C1orf50: variants seen among roughly 807,000 people sequenced by gnomAD.
C1orf50 encodes chromosome 1 open reading frame 50.
In C1orf50, 22 loss-of-function variants were observed where a neutral mutation model predicts 23.3. The ratio of observed to expected loss-of-function variants is 0.94; its 90% confidence interval spans 0.67 to 1.35. The LOEUF (loss-of-function observed/expected upper bound fraction) is 1.35, where lower values mean the gene tolerates loss of function less well. C1orf50 is among the 40% of genes most tolerant of loss of function. The pLI is 0.00. For synonymous variants in C1orf50, 96 were observed against 102.4 expected (o/e 0.94, Z 0.38); for missense variants, 271 against 249.4 (o/e 1.09, Z -0.58).
intron 3 of C1orf50, 68 bp from the exon 4 acceptor site, chr1:42,774,669 G>T: frequency 6.6e-7 from 1 of 1,519,242 alleles, no homozygotes; most frequent in South Asian, 1.3e-5. Flanking sequence ...ATTTTAATTG[G>T]GATGATCACC....
chr1:42,771,811 C>G (rs1420804634), intron 2 of C1orf50, among the ~76,000 whole-genome samples: 1 of 152,026 alleles, frequency 6.6e-6, no homozygotes, highest in Non-Finnish European at 1.5e-5. Flanking sequence ...AACCCCATCT[C>G]TACTAAAAAT....
In C1orf50 at chr1:42,775,258, A is replaced by T. The variant is rs757217549; in HGVS notation, c.464A>T (p.Gln155Leu). The change falls in exon 5 of 5, where the codon CAG becomes CTG. Residue 155 changes from glutamine to leucine, a missense_variant. By Grantham distance (113) the Gln-to-Leu change is moderately radical. Coordinates refer to ENST00000372525, the MANE Select transcript of C1orf50 (RefSeq NM_024097.4). ...PHDFLGAYKL[Q>L]HDLSWTPYED... ...GACTTCCTTGGTGCCTACAAACTAC[A>T]GCATGACTTGTCCTGGACTCCGTAT... 2 of 1,609,390 alleles carry T rather than the reference A, an allele frequency of 1.2e-6. No homozygotes were observed. The highest frequency in any genetic ancestry group is 3.3e-5 in the Admixed American group (2 of 59,972).
intron 3 of C1orf50, 57 bp downstream of exon 3, chr1:42,773,706 C>G: frequency 8.3e-7 from 1 of 1,207,756 alleles, no homozygotes; most frequent in South Asian, 1.3e-5. Context: ...TCAGGATTGG[C>G]TGAACTTGTT....
rs937887033 is a variant in C1orf50, at chr1:42,776,623, A to G, written c.*1229A>G. ...CTTGTGAGCTGTAAGAGGTCTACCTAAGGCCTAGCACAGGATGGGGCTAGA... is the reference window on the plus strand; with the variant it reads ...CTTGTGAGCTGTAAGAGGTCTACCTGAGGCCTAGCACAGGATGGGGCTAGA... On this transcript the variant is annotated 3_prime_UTR_variant, in exon 5 of 5. Coordinates refer to ENST00000372525, the MANE Select transcript of C1orf50 (RefSeq NM_024097.4). 1 of 152,262 alleles carries G rather than the reference A, an allele frequency of 6.6e-6. No individual in the cohort carries two copies. Among genetic ancestry groups the G allele is most frequent in the Non-Finnish European group, 1.5e-5 (1 of 68,100 alleles). 9.4% of individuals were successfully genotyped at this position (152,262 alleles called of 1,614,324 possible).
chr1:42,768,679 A>G (rs189806369), intron 2 of C1orf50, among the ~76,000 whole-genome samples: 19 of 152,308 alleles, frequency 1.2e-4, no homozygotes, highest in Admixed American at 1.2e-3. Flanking sequence ...TATTAAGAGA[A>G]TATGCATCTA....
intron 3 of C1orf50, 142 bp downstream of exon 3, chr1:42,773,791 A>C (rs1179743922): frequency 5.3e-6 from 3 of 570,248 alleles, no homozygotes; most frequent in Non-Finnish European, 9.6e-6. Context: ...AGAAGGAATA[A>C]GCTTAAGAGG....
intron 3 of C1orf50, among the ~76,000 whole-genome samples, chr1:42,773,998 T>G (rs1028298977): frequency 1.3e-5 from 2 of 151,918 alleles, no homozygotes; most frequent in Non-Finnish European, 2.9e-5. Context: ...AACTTTTGTA[T>G]TTTTAGTAGA....
chr1:42,772,093 T>TG (rs1198446881), intron 2 of C1orf50, among the ~76,000 whole-genome samples: 2 of 152,204 alleles, frequency 1.3e-5, no homozygotes, highest in Non-Finnish European at 2.9e-5. Context: ...AGACTTGACT[T>TG]GCGATCTTGA....
chr1:42,776,931 A>G lies in C1orf50; in HGVS notation c.*1537A>G, dbSNP rs1653352733. On this transcript the variant is annotated 3_prime_UTR_variant, in exon 5 of 5. Coordinates refer to ENST00000372525, the MANE Select transcript of C1orf50 (RefSeq NM_024097.4). ...AACACCTATTTATTTCAGAGCTTAC[A>G]GGTTAGGAGTTCAGGCACCATTTCA... The G allele has an allele frequency of 6.6e-6, 1 of 152,230 alleles. No homozygotes were observed. Among genetic ancestry groups the G allele is most frequent in the Non-Finnish European group, 1.5e-5 (1 of 68,036 alleles). 9.4% of individuals were successfully genotyped at this position (152,230 alleles called of 1,614,324 possible). A position where few individuals can be genotyped will look rare whatever the true frequency, so the allele number is the denominator to read the frequency against.
rs985155592 is a variant in C1orf50, at chr1:42,775,706, T to C, written c.*312T>C. 5.7e-6 allele frequency: 1 copy of C among 175,736 alleles called. No individual in the cohort carries two copies. The highest frequency in any genetic ancestry group is 1.2e-5 in the Non-Finnish European group (1 of 84,362). 10.9% of individuals were successfully genotyped at this position (175,736 alleles called of 1,614,324 possible). ...TTAAGTTAAAGTGTTAGAGAAGACC[T>C]TCTTCCCATAAAAAGGTTGGTGGAT... On this transcript the variant is annotated 3_prime_UTR_variant, in exon 5 of 5. Coordinates refer to ENST00000372525, the MANE Select transcript of C1orf50 (RefSeq NM_024097.4).
chr1:42,773,511 A>C, intron 2 of C1orf50, 52 bp from the exon 3 acceptor site: 1 of 1,091,806 alleles, frequency 9.2e-7, no homozygotes. Context: ...TAAGAACATC[A>C]TAGAAGTCTT....
In C1orf50 at chr1:42,767,508, GGAGCCCTGGTGGAGCTCACCCC is replaced by G. The variant is rs1353000322; in HGVS notation, c.82_103del (p.Ala28ProfsTer8). 6.4e-7 allele frequency: 1 copy of G among 1,568,972 alleles called. No individual in the cohort carries two copies. The highest frequency in any genetic ancestry group is 8.6e-7 in the Non-Finnish European group (1 of 1,157,444). On this transcript the variant is annotated frameshift_variant and splice_region_variant, in exon 2 of 5. Coordinates refer to ENST00000372525, the MANE Select transcript of C1orf50 (RefSeq NM_024097.4). LOFTEE classifies it high-confidence loss of function. ...CTTGTGTTCCTGGGTGTGTGTCGCA[GGAGCCCTGGTGGAGCTCACCCC>G]GACCCCCGGCGGCCTGGCCCTGGTG...
intron 3 of C1orf50, among the ~76,000 whole-genome samples, chr1:42,774,224 A>G (rs952320175): frequency 6.6e-6 from 1 of 151,824 alleles, no homozygotes; most frequent in Non-Finnish European, 1.5e-5. Context: ...AATGCTCAAC[A>G]TTTTGAAATA....
chr1:42,769,345 A>G (rs1653166260), intron 2 of C1orf50, among the ~76,000 whole-genome samples: 1 of 151,694 alleles, frequency 6.6e-6, no homozygotes. Flanking sequence ...CAGGAGTTGG[A>G]GACCAACCTG....
intron 2 of C1orf50, among the ~76,000 whole-genome samples, chr1:42,772,557 G>T (rs1653244787): frequency 6.6e-6 from 1 of 152,142 alleles, no homozygotes; most frequent in Non-Finnish European, 1.5e-5. Flanking sequence ...GAGGTGGGCG[G>T]ATCACCTGAG....
rs1403021573 is a variant in C1orf50, at chr1:42,778,511, T to C, written c.*3117T>C. On this transcript the variant is annotated 3_prime_UTR_variant, in exon 5 of 5. Coordinates refer to ENST00000372525, the MANE Select transcript of C1orf50 (RefSeq NM_024097.4). ...CTCCAATTGCCCTTTCATAGGAAGT[T>C]TGTCTTTTGGGGGTTGGGGTAGGGT... 1 of 152,214 alleles carries C rather than the reference T, an allele frequency of 6.6e-6. No homozygotes were observed. Among genetic ancestry groups the C allele is most frequent in the Non-Finnish European group, 1.5e-5 (1 of 68,072 alleles). 9.4% of individuals were successfully genotyped at this position (152,214 alleles called of 1,614,324 possible). A position where few individuals can be genotyped will look rare whatever the true frequency, so the allele number is the denominator to read the frequency against.
In C1orf50 at chr1:42,767,332, G is replaced by C. The variant is rs1341206148; in HGVS notation, c.21G>C (p.Pro7=). Residue 7 remains proline, a synonymous_variant, in exon 1 of 5, where the codon CCG becomes CCC. Coordinates refer to ENST00000372525, the MANE Select transcript of C1orf50 (RefSeq NM_024097.4). MEDAAA[P]GRTEGVLERQ... ...CTGTCATGGAGGACGCCGCCGCGCC[G>C]GGGCGGACCGAGGGGGTCCTTGAAA... 9.2e-6 allele frequency: 14 copies of C among 1,524,162 alleles called. No homozygotes were observed. The East Asian group carries it at 9.5e-5, about 10-fold the overall frequency. The allele number at this position is 1,524,162 out of a possible 1,614,324, so 94.4% of individuals were successfully genotyped here.
chr1:42,771,736 G>T (rs1653225925), intron 2 of C1orf50, among the ~76,000 whole-genome samples: 1 of 152,188 alleles, frequency 6.6e-6, no homozygotes, highest in Non-Finnish European at 1.5e-5. Context: ...CCAGTACTTT[G>T]GGAGGCTGAG....
At position 42,774,789 on chromosome 1, in the gene C1orf50, T is replaced by C. The variant is rs78604294; in HGVS notation, c.335T>C (p.Ile112Thr). 1.0e-3 allele frequency: 1,620 copies of C among 1,613,912 alleles called. 19 individuals are homozygous for C. The African/African-American group carries it at 0.02, about 20-fold the overall frequency. ...DANLHHVACN[I>T]VKKPGNIYYL... Reference sequence around the variant, plus strand: ...AACCTGCACCATGTAGCTTGTAATATAGTGAAAAAACCTGGCAACATTTAC... The same window carrying C: ...AACCTGCACCATGTAGCTTGTAATACAGTGAAAAAACCTGGCAACATTTAC... The change falls in exon 4 of 5, where the codon ATA (isoleucine) becomes ACA (threonine). Residue 112 changes from isoleucine to threonine, a missense_variant. By Grantham distance (89) the Ile-to-Thr change is moderately conservative. Transcript: ENST00000372525.
Sources: gnomAD v4.1 joint callset for allele counts (sites outside exome capture counted in the v4.1 genomes callset) on GRCh38, gnomAD v4.1.1 for gene constraint, MANE v1.5 for transcripts, NCBI Gene and HGNC (gene_info 2026-07-23, HGNC 2026-07-21) for gene names.